C1D: variants seen among roughly 807,000 people sequenced by gnomAD.
C1D encodes the protein nuclear nucleic acid-binding protein C1D.
A neutral mutation model predicts 17.5 loss-of-function variants in C1D; 10 were observed. The ratio of observed to expected loss-of-function variants is 0.57; its 90% CI spans 0.35 to 0.97. The LOEUF (loss-of-function observed/expected upper bound fraction) is 0.97, where lower values mean the gene tolerates loss of function less well. Ranked by LOEUF, C1D falls within the 50% of genes least tolerant of loss-of-function variation. C1D has a pLI of 0.01. For synonymous variants in C1D, 49 were observed against 54.0 expected, an observed-to-expected ratio of 0.91 and a Z score of 0.40; for missense variants, 136 against 160.1, an observed-to-expected ratio of 0.85 and a Z score of 0.81.
Position 68,042,956 on chromosome 2 carries a change from T to A in C1D, c.359A>T (p.Asn120Ile). The part of the protein sequence containing the change: ...DRGAASRFVK[N>I]ALWEPKSKNA... ...TTTCGATTTTGGTTCCCAGAGGGCA[T>A]TTTTTACAAATCTTGAAGCTGCACC... The change falls in exon 5 of 5, where the codon AAT becomes ATT. Residue 120 changes from asparagine (N) to isoleucine (I), a missense_variant. Physicochemically the swap from Asn to Ile is moderately radical, Grantham distance 149. Transcript: ENST00000410067. 6.2e-7 allele frequency: 1 copy of A among 1,610,214 alleles called. No individual in the cohort carries two copies. The highest frequency in any genetic ancestry group is 8.5e-7 in the Non-Finnish European group (1 of 1,177,558).
chr2:68,057,549 A>T (rs942712338), intron 1 of C1D, among the ~76,000 whole-genome samples: 1 of 152,228 alleles, frequency 6.6e-6, no homozygotes, highest in Non-Finnish European at 1.5e-5. Flanking sequence ...GATCCAAAAG[A>T]AGCTGTTAAC....
intron 1 of C1D, among the ~76,000 whole-genome samples, chr2:68,059,010 C>T (rs1408412810): frequency 6.6e-6 from 1 of 152,118 alleles, no homozygotes; most frequent in Non-Finnish European, 1.5e-5. Context: ...TTTTGCATTG[C>T]TATGCAGGAA....
At chr2:68,062,607 T>C (rs540466115) in intron 1 of C1D, among the ~76,000 whole-genome samples, 1 of 152,364 alleles carries the variant, frequency 6.6e-6, no homozygotes, top group African/African-American at 2.4e-5. Context: ...AGCTGAAAAT[T>C]GTGAAGACTT....
intron 4 of C1D, among the ~76,000 whole-genome samples, chr2:68,045,575 T>C (rs1671095856): frequency 6.6e-6 from 1 of 152,176 alleles, no homozygotes; most frequent in Non-Finnish European, 1.5e-5. Flanking sequence ...CTGGATTCTT[T>C]ACTGCTGAGA....
At chr2:68,048,640 C>T (rs933849458) in intron 1 of C1D, among the ~76,000 whole-genome samples, 4 of 152,178 alleles carry the variant, frequency 2.6e-5, no homozygotes, top group Non-Finnish European at 5.9e-5. Context: ...AAAGTGAAGT[C>T]TATCTATTAC....
chr2:68,049,937 A>G (rs1671235070), intron 1 of C1D, among the ~76,000 whole-genome samples: 1 of 152,246 alleles, frequency 6.6e-6, no homozygotes. Context: ...AATATCACAA[A>G]GAATTAGATA....
Position 68,047,190 on chromosome 2 carries a change from T to C in C1D, c.121A>G (p.Asn41Asp). ...MLKTMMSVSR[N>D]ELLQKLDPLE... ...TAAAATACCTTCTGCAACAACTCAT[T>C]TCTAGAAACAGACATCATGGTCTTC... Residue 41 changes from asparagine to aspartate, a missense_variant, in exon 2 of 5, where the codon AAT becomes GAT. Coordinates refer to ENST00000410067, the MANE Select transcript of C1D (RefSeq NM_173177.3). The C allele has an allele frequency of 3.1e-6, 5 of 1,605,142 alleles. No homozygotes were observed. Among genetic ancestry groups the C allele is most frequent in the Non-Finnish European group, 4.2e-6 (5 of 1,177,836 alleles).
chr2:68,046,099 C>CA, intron 3 of C1D, 56 bp from the exon 4 acceptor site: 2 of 1,222,986 alleles, frequency 1.6e-6, no homozygotes, highest in Non-Finnish European at 1.2e-6. Context: ...TTAAAACATT[C>CA]CAATTAAAGA....
At chr2:68,058,933 A>G (rs1671538426) in intron 1 of C1D, among the ~76,000 whole-genome samples, 1 of 152,214 alleles carries the variant, frequency 6.6e-6, no homozygotes, top group South Asian at 2.1e-4. Flanking sequence ...AGATGTGACC[A>G]TGAAGGAAGG....
At chr2:68,062,491 C>G (rs533166283) in intron 1 of C1D, among the ~76,000 whole-genome samples, 12 of 152,306 alleles carry the variant, frequency 7.9e-5, no homozygotes, top group African/African-American at 2.9e-4. Flanking sequence ...GCTAATACTG[C>G]AGCAGCAGGC....
In C1D at chr2:68,047,303, C is replaced by G. The variant is rs371308207; in HGVS notation, c.8G>C (p.Gly3Ala). The G allele has an allele frequency of 3.1e-6, 5 of 1,608,394 alleles. No homozygotes were observed. Among genetic ancestry groups the G allele is most frequent in the Non-Finnish European group, 4.2e-6 (5 of 1,178,012 alleles). ...TGGATAGTCTTCATTAATTTCTTCA[C>G]CTGCCATTATGGCTGACTGGAAAAA... MA[G>A]EEINEDYPVE... The change falls in exon 2 of 5, where the codon GGT becomes GCT. Residue 3 changes from glycine (G) to alanine (A), a missense_variant. By Grantham distance (60) the Gly-to-Ala change is moderately conservative. Coordinates refer to ENST00000410067, the MANE Select transcript of C1D (RefSeq NM_173177.3).
intron 1 of C1D, among the ~76,000 whole-genome samples, chr2:68,058,908 A>C (rs1671538009): frequency 6.6e-6 from 1 of 152,200 alleles, no homozygotes; most frequent in Admixed American, 6.5e-5. Flanking sequence ...AGCATCTTTA[A>C]AACAGCTAAC....
chr2:68,043,649 A>G (rs186348844), intron 4 of C1D, among the ~76,000 whole-genome samples: 1 of 152,330 alleles, frequency 6.6e-6, no homozygotes, highest in Non-Finnish European at 1.5e-5. Flanking sequence ...GAGAAACATA[A>G]TATGTTGCTG....
At chr2:68,051,529 T>G (rs1013699902) in intron 1 of C1D, among the ~76,000 whole-genome samples, 1 of 152,042 alleles carries the variant, frequency 6.6e-6, no homozygotes, top group Non-Finnish European at 1.5e-5. Flanking sequence ...ATTTATCTTT[T>G]AAAAATCCTT....
At chr2:68,060,367 C>T (rs1029719598) in intron 1 of C1D, among the ~76,000 whole-genome samples, 2 of 152,168 alleles carry the variant, frequency 1.3e-5, no homozygotes, top group South Asian at 2.1e-4. Flanking sequence ...TCAGGCTGGG[C>T]GCAGTGACTG....
intron 1 of C1D, among the ~76,000 whole-genome samples, chr2:68,051,804 A>G (rs944486194): frequency 1.3e-5 from 2 of 151,670 alleles, no homozygotes; most frequent in African/African-American, 4.8e-5. Flanking sequence ...TCTCACTCTT[A>G]ACCACCCCAT....
At chr2:68,062,406 A>C (rs1049411747) in intron 1 of C1D, among the ~76,000 whole-genome samples, 2 of 152,206 alleles carry the variant, frequency 1.3e-5, no homozygotes, top group African/African-American at 4.8e-5. Flanking sequence ...CCGGGTCATC[A>C]AGAAAAACTG....
chr2:68,054,786 C>A (rs1209888752), intron 1 of C1D, among the ~76,000 whole-genome samples: 1 of 150,686 alleles, frequency 6.6e-6, no homozygotes, highest in Non-Finnish European at 1.5e-5. Flanking sequence ...ACAGACAGAC[C>A]CATCTCTAAA....
chr2:68,047,360 A>G, intron 1 of C1D, 41 bp from the exon 2 acceptor site: 1 of 1,525,324 alleles, frequency 6.6e-7, no homozygotes, highest in Non-Finnish European at 8.9e-7. Flanking sequence ...TTAGAGACAG[A>G]GCTTGTTCTT....
Sources: gnomAD v4.1 joint callset for allele counts (sites outside exome capture counted in the v4.1 genomes callset) on GRCh38, gnomAD v4.1.1 for gene constraint, MANE v1.5 for transcripts, NCBI Gene and HGNC (gene_info 2026-07-23, HGNC 2026-07-21) for gene names.